CRACD: variants seen among roughly 807,000 people sequenced by gnomAD.
The protein encoded by CRACD is capping protein inhibiting regulator of actin dynamics.
In CRACD, 56 loss-of-function variants were observed where a neutral mutation model predicts 106.8. The observed-to-expected ratio is 0.52, with a 90% confidence interval of 0.42 to 0.66. The LOEUF is 0.66. Among genes scored for constraint, CRACD ranks in the 30% least tolerant of loss-of-function variants. CRACD has a pLI of 0.00. For missense variants in CRACD, 1,730 were observed against 1,623.2 expected (o/e 1.07, Z -1.13); for synonymous variants, 754 against 670.8 (o/e 1.12, Z -1.92).
intron 3 of CRACD, among the ~76,000 whole-genome samples, chr4:56,289,168 G>A (rs557656561): frequency 2.4e-3 from 364 of 152,292 alleles, no homozygotes; most frequent in Admixed American, 3.9e-3. Context: ...TTAGGATGAT[G>A]ATAAGGTTCT....
intron 2 of CRACD, among the ~76,000 whole-genome samples, chr4:56,248,009 A>C (rs1217723313): frequency 6.6e-6 from 1 of 152,184 alleles, no homozygotes; most frequent in Non-Finnish European, 1.5e-5. Context: ...TGGTATACCC[A>C]AGGAAATGAA....
chr4:56,225,081 A>C (rs916209091), intron 2 of CRACD, among the ~76,000 whole-genome samples: 1 of 152,124 alleles, frequency 6.6e-6, no homozygotes. Context: ...TTCTCTCAAC[A>C]TGGTTATTTA....
At chr4:56,209,225 T>G (rs989834614) in intron 2 of CRACD, among the ~76,000 whole-genome samples, 1 of 152,154 alleles carries the variant, frequency 6.6e-6, no homozygotes, top group East Asian at 1.9e-4. Context: ...TTTTTTCAAC[T>G]TTTTATATTT....
intron 3 of CRACD, among the ~76,000 whole-genome samples, chr4:56,281,407 G>T (rs1387210547): frequency 6.6e-6 from 1 of 152,052 alleles, no homozygotes; most frequent in Non-Finnish European, 1.5e-5. Flanking sequence ...GAAAAGGTTG[G>T]GGACTGCTGA....
At chr4:56,208,584 TAAC>T (rs1320948291) in intron 2 of CRACD, among the ~76,000 whole-genome samples, 1 of 152,216 alleles carries the variant, frequency 6.6e-6, no homozygotes, top group East Asian at 1.9e-4. Flanking sequence ...CAACATATAT[TAAC>T]AACGTATTCA....
chr4:56,049,104 C>A lies in CRACD; in HGVS notation c.-531C>A, dbSNP rs1448550673. ...GCCGCGCGGGGCCGGGCGCGCAGTGCCGCGCGGTGGCGGCAGTGGGGAGAG... is the reference window on the plus strand; with the variant it reads ...GCCGCGCGGGGCCGGGCGCGCAGTGACGCGCGGTGGCGGCAGTGGGGAGAG... On this transcript the variant is annotated 5_prime_UTR_variant, in exon 1 of 11. Coordinates refer to ENST00000682029, the MANE Select transcript of CRACD (RefSeq NM_001393381.1). 6.7e-6 allele frequency: 1 copy of A among 149,836 alleles called. No individual in the cohort carries two copies. The highest frequency in any genetic ancestry group is 1.5e-5 in the Non-Finnish European group (1 of 67,166). The allele number at this position is 149,836 out of a possible 1,614,324, so 9.3% of individuals were successfully genotyped here.
chr4:56,091,570 T>C (rs546361557), intron 1 of CRACD, among the ~76,000 whole-genome samples: 1 of 152,250 alleles, frequency 6.6e-6, no homozygotes, highest in African/African-American at 2.4e-5. Flanking sequence ...ATTGAAAGCC[T>C]GCTATGTTTC....
At position 56,316,197 on chromosome 4, in the gene CRACD, G is replaced by T; in HGVS notation, c.2695G>T (p.Ala899Ser). ...ARGEKEMEGV[A>S]LKHGPSLPQE... ...TGGAGAGAAAGAGATGGAGGGTGTG[G>T]CCCTCAAGCATGGTCCATCCCTCCC... The change falls in exon 8 of 11, where the codon GCC becomes TCC. Residue 899 changes from alanine (A) to serine (S), a missense_variant. Physicochemically the swap from Ala to Ser is moderately conservative, Grantham distance 99. Around this residue, in one of 5 missense-constraint regions of CRACD, gnomAD observed 1,620 missense variants for 1,481.6 expected, o/e 1.09. Coordinates refer to ENST00000682029, the MANE Select transcript of CRACD (RefSeq NM_001393381.1). 5.0e-6 allele frequency: 8 copies of T among 1,614,154 alleles called. No individual in the cohort carries two copies. Among genetic ancestry groups the T allele is most frequent in the Non-Finnish European group, 6.8e-6 (8 of 1,179,998 alleles).
intron 2 of CRACD, among the ~76,000 whole-genome samples, chr4:56,194,898 T>G (rs967203973): frequency 6.6e-6 from 1 of 152,210 alleles, no homozygotes; most frequent in Non-Finnish European, 1.5e-5. Flanking sequence ...ACCTCTGGGA[T>G]AGATCTGGCC....
At chr4:56,181,219 T>C (rs1736806314) in intron 2 of CRACD, among the ~76,000 whole-genome samples, 1 of 151,978 alleles carries the variant, frequency 6.6e-6, no homozygotes, top group South Asian at 2.1e-4. Flanking sequence ...GGAGTGCAAA[T>C]TGCAGAAGGG....
intron 1 of CRACD, among the ~76,000 whole-genome samples, chr4:56,175,231 T>C (rs992698094): frequency 1.3e-5 from 2 of 152,186 alleles, no homozygotes. Context: ...TCTTCTTAGT[T>C]TTTTGAGGAA....
chr4:56,219,669 G>A lies in CRACD; in HGVS notation c.-189+40239G>A, dbSNP rs577910998. 4.6e-5 allele frequency among the ~76,000 whole-genome samples: 7 copies of A among 152,256 alleles called. No individual in the cohort carries two copies. The South Asian group carries it at 1.2e-3, about 27-fold the overall frequency. On this transcript the variant is annotated intron_variant, in intron 2 of 10. Transcript: ENST00000682029. Reference sequence around the variant, plus strand: ...CCATGCCCTGCTGAAATCAATATTAGGAAAACATCCTGGTCAAGGTTATGC... The same window carrying A: ...CCATGCCCTGCTGAAATCAATATTAAGAAAACATCCTGGTCAAGGTTATGC...
chr4:56,122,569 G>A (rs939207930), intron 1 of CRACD, among the ~76,000 whole-genome samples: 3 of 152,080 alleles, frequency 2.0e-5, no homozygotes, highest in Non-Finnish European at 4.4e-5. Flanking sequence ...CATGCATTAT[G>A]CACTGTTACT....
At chr4:56,302,175 C>T (rs1171556671) in intron 4 of CRACD, among the ~76,000 whole-genome samples, 2 of 152,358 alleles carry the variant, frequency 1.3e-5, no homozygotes, top group Non-Finnish European at 1.5e-5. Context: ...TTAAGATCTG[C>T]GATCTCTATA....
At chr4:56,082,177 A>G (rs887837846) in intron 1 of CRACD, among the ~76,000 whole-genome samples, 1 of 152,194 alleles carries the variant, frequency 6.6e-6, no homozygotes, top group Non-Finnish European at 1.5e-5. Flanking sequence ...AAGAGGTGAT[A>G]TTTAAGTAGA....
chr4:56,160,137 T>G (rs934512311), intron 1 of CRACD, among the ~76,000 whole-genome samples: 3 of 151,800 alleles, frequency 2.0e-5, no homozygotes, highest in Non-Finnish European at 4.4e-5. Context: ...TTGTCTAATG[T>G]AAGCAATTAT....
chr4:56,250,343 C>T (rs1638452593), intron 2 of CRACD, among the ~76,000 whole-genome samples: 1 of 152,128 alleles, frequency 6.6e-6, no homozygotes, highest in Admixed American at 6.6e-5. Flanking sequence ...AATATAATAA[C>T]TAATGTTTTT....
intron 1 of CRACD, among the ~76,000 whole-genome samples, chr4:56,089,221 G>A (rs751382018): frequency 2.6e-5 from 4 of 152,232 alleles, no homozygotes; most frequent in Non-Finnish European, 4.4e-5. Context: ...TCCTGTGCCA[G>A]CTAAATTGGG....
chr4:56,169,382 T>TA (rs1736270747), intron 1 of CRACD, among the ~76,000 whole-genome samples: 1 of 152,218 alleles, frequency 6.6e-6, no homozygotes. Context: ...CAGGGAATAG[T>TA]ACTCTCAAAA....
Sources: gnomAD v4.1 joint callset for allele counts (sites outside exome capture counted in the v4.1 genomes callset) on GRCh38, gnomAD v4.1.1 for gene constraint, gnomAD v4.1.1 regional missense constraint, MANE v1.5 for transcripts, NCBI Gene and HGNC (gene_info 2026-07-23, HGNC 2026-07-21) for gene names.